The following NLGN3 variants were observed in gnomAD, a reference collection of about 807,000 sequenced individuals.
NLGN3 encodes neuroligin-3.
NLGN3 carries 11 observed loss-of-function variants against 42.9 expected under a neutral mutation model. The observed-to-expected ratio is 0.26, with a 90% CI of 0.16 to 0.42. NLGN3 has a LOEUF of 0.42. Among genes scored for constraint, NLGN3 ranks in the 10% least tolerant of loss-of-function variants. The pLI is 1.00. For missense variants in NLGN3, 374 were observed against 733.8 expected (o/e 0.51, Z 5.67); for synonymous variants, 279 against 312.7 (o/e 0.89, Z 1.14).
At chrX:71,172,450 G>A (rs150278065), downstream of NLGN3, among the ~76,000 whole-genome samples, 1,241 of 111,192 alleles carry the variant, frequency 0.011, 8 homozygotes, top group Non-Finnish European at 0.018. Flanking sequence ...AGCACTACAC[G>A]ACCCTTGCCA....
In NLGN3 at chrX:71,169,817, G is replaced by A; in HGVS notation, c.2267G>A (p.Gly756Glu). The change falls in exon 8 of 8, where the codon GGA becomes GAA. Residue 756 changes from glycine to glutamate, a missense_variant. By Grantham distance (98) the Gly-to-Glu change is moderately conservative. Coordinates refer to ENST00000358741, the MANE Select transcript of NLGN3 (RefSeq NM_181303.2). ...PQRGAGAPEL[G>E]AAPEEELAAL... ...CGGGGAGCCGGGGCCCCGGAGTTGG[G>A]AGCTGCTCCAGAGGAGGAGCTGGCA... 2 of 1,206,283 alleles carry A rather than the reference G, an allele frequency of 1.7e-6. No homozygotes were observed. Among genetic ancestry groups the A allele is most frequent in the Non-Finnish European group, 2.2e-6 (2 of 892,637 alleles).
At chrX:71,169,035 C>T (rs2092461289) in intron 7 of NLGN3, among the ~76,000 whole-genome samples, 1 of 110,544 alleles carries the variant, frequency 9.0e-6, no homozygotes, top group African/African-American at 3.3e-5. Context: ...GAAAAAGCAT[C>T]TATAGCCTTA....
Position 71,170,490 on chromosome X carries a change from A to C in NLGN3, c.*393A>C. ...TCTCTTGGAACTGCACCACCGACCA[A>C]CTCCAGACTTGGGAGCTTTAAAGAG... On this transcript the variant is annotated 3_prime_UTR_variant, in exon 8 of 8. Transcript: ENST00000358741. 4 of 853,898 alleles carry C rather than the reference A, an allele frequency of 4.7e-6. No homozygotes were observed. Among genetic ancestry groups the C allele is most frequent in the East Asian group, 8.7e-5 (1 of 11,472 alleles). 70.4% of individuals were successfully genotyped at this position (853,898 alleles called of 1,213,427 possible). A position where few individuals can be genotyped will look rare whatever the true frequency, so the allele number is the denominator to read the frequency against.
chrX:71,163,817 A>C (rs758114339), intron 5 of NLGN3, among the ~76,000 whole-genome samples: 1 of 111,896 alleles, frequency 8.9e-6, no homozygotes, highest in East Asian at 2.8e-4. Flanking sequence ...TAAGGTCCCC[A>C]ATAGTACATC....
downstream of NLGN3, among the ~76,000 whole-genome samples, chrX:71,174,173 G>C (rs1342122111): frequency 1.8e-5 from 2 of 112,068 alleles, no homozygotes; most frequent in Non-Finnish European, 3.8e-5. Context: ...ACGATTTTCA[G>C]ACTAGAAAGG....
At chrX:71,156,832 C>T (rs1208998322) in intron 5 of NLGN3, among the ~76,000 whole-genome samples, 1 of 111,751 alleles carries the variant, frequency 8.9e-6, no homozygotes, top group East Asian at 2.8e-4. Flanking sequence ...CATATGCACC[C>T]ATACACCTCC....
At chrX:71,146,149 T>TCACACACA (rs1483489070) in intron 1 of NLGN3, among the ~76,000 whole-genome samples, 1 of 35,821 alleles carries the variant, frequency 2.8e-5, no homozygotes, top group Admixed American at 3.8e-4. Flanking sequence ...TCTCTCTCTC[T>TCACACACA]CTCTCACACA....
Position 71,170,265 on chromosome X carries a change from G to A in NLGN3, c.*168G>A. The A allele has an allele frequency of 8.8e-7, 1 of 1,132,414 alleles. No individual in the cohort carries two copies. Among genetic ancestry groups the A allele is most frequent in the Non-Finnish European group, 1.2e-6 (1 of 859,699 alleles). The allele number at this position is 1,132,414 out of a possible 1,213,427, so 93.3% of individuals were successfully genotyped here. ...CACCTGCACAAACATAGACAGATGT[G>A]GACATGCACCCGCATGTACAAAAAC... On this transcript the variant is annotated 3_prime_UTR_variant, in exon 8 of 8. Coordinates refer to ENST00000358741, the MANE Select transcript of NLGN3 (RefSeq NM_181303.2).
Position 71,169,771 on chromosome X carries a change from C to G in NLGN3, c.2221C>G (p.Leu741Val), listed in dbSNP as rs757718469. ...TAAGGACAAACGGCGCCAGGAGCCC[C>G]TGCGGCAGCCTAGCCCTCAGCGGGG... The part of the protein sequence containing the change: ...YRKDKRRQEP[L>V]RQPSPQRGAG... The change falls in exon 8 of 8, where the codon CTG becomes GTG. Residue 741 changes from leucine to valine, a missense_variant. Leu to Val is a conservative substitution (Grantham distance 32). This residue lies in a region of NLGN3 where 92 missense variants were observed against 108.0 expected (regional missense o/e 0.85). Coordinates refer to ENST00000358741, the MANE Select transcript of NLGN3 (RefSeq NM_181303.2). 1 of 1,211,333 alleles carries G rather than the reference C, an allele frequency of 8.3e-7. No homozygotes were observed. Among genetic ancestry groups the G allele is most frequent in the East Asian group, 3.0e-5 (1 of 33,849 alleles).
Position 71,148,076 on chromosome X carries a change from C to T in NLGN3, c.327C>T (p.Asn109=), listed in dbSNP as rs751421871. The change falls in exon 2 of 8, where the codon AAC becomes AAT. Residue 109 remains asparagine, a synonymous_variant. Transcript: ENST00000358741. ...ATHFPPVCPQ[N]IHTAVPEVML... is the part of the protein sequence containing the mutation. ...ACTTTCCCCCAGTGTGCCCCCAGAA[C>T]ATCCACACAGCTGTGCCCGAAGTCA... 2 of 1,210,220 alleles carry T rather than the reference C, an allele frequency of 1.7e-6. No homozygotes were observed. Among genetic ancestry groups the T allele is most frequent in the South Asian group, 1.8e-5 (1 of 56,920 alleles).
At chrX:71,163,794 C>T (rs1443735242) in intron 5 of NLGN3, among the ~76,000 whole-genome samples, 1 of 111,768 alleles carries the variant, frequency 8.9e-6, no homozygotes, top group Non-Finnish European at 1.9e-5. Flanking sequence ...TTCTATCTTG[C>T]CAGATGTTAG....
downstream of NLGN3, among the ~76,000 whole-genome samples, chrX:71,174,845 C>T (rs1417823874): frequency 1.8e-5 from 2 of 112,078 alleles, no homozygotes; most frequent in African/African-American, 6.5e-5. Flanking sequence ...TGTGGCAGTA[C>T]AAATGTAAGA....
At chrX:71,162,021 G>A (rs1360656249) in intron 5 of NLGN3, among the ~76,000 whole-genome samples, 3 of 112,411 alleles carry the variant, frequency 2.7e-5, no homozygotes, top group African/African-American at 9.7e-5. Flanking sequence ...GAGAGAGGAG[G>A]GAGGACTAAA....
chrX:71,168,814 GAAAAA>G (rs200152352), intron 7 of NLGN3, among the ~76,000 whole-genome samples: 17 of 40,477 alleles, frequency 4.2e-4, no homozygotes, highest in South Asian at 1.7e-3. Context: ...GAAAGAAAGA[GAAAAA>G]AAAAAGAAAG....
chrX:71,173,896 T>C (rs1387264308), downstream of NLGN3, among the ~76,000 whole-genome samples: 1 of 101,874 alleles, frequency 9.8e-6, no homozygotes, highest in African/African-American at 3.6e-5. Context: ...TTGGGGTGGG[T>C]GGGTAGAGTA....
intron 5 of NLGN3, among the ~76,000 whole-genome samples, chrX:71,155,571 A>C (rs1441903934): frequency 8.9e-6 from 1 of 112,004 alleles, no homozygotes; most frequent in Non-Finnish European, 1.9e-5. Context: ...AGATGCCACC[A>C]GAAATTCAAT....
chrX:71,164,981 G>A (rs1455154003), intron 6 of NLGN3, among the ~76,000 whole-genome samples: 3 of 111,401 alleles, frequency 2.7e-5, no homozygotes, highest in Non-Finnish European at 5.7e-5. Context: ...TGCTCGGCAG[G>A]AAATGTTTTC....
intron 5 of NLGN3, among the ~76,000 whole-genome samples, chrX:71,158,835 A>G (rs2092419051): frequency 9.0e-6 from 1 of 111,674 alleles, no homozygotes; most frequent in Admixed American, 9.5e-5. Flanking sequence ...GCTGGTGAGC[A>G]TTCCGTATGA....
At chrX:71,158,457 G>A (rs932607410) in intron 5 of NLGN3, among the ~76,000 whole-genome samples, 14 of 112,185 alleles carry the variant, frequency 1.2e-4, no homozygotes, top group African/African-American at 3.9e-4. Context: ...ACATGTACAC[G>A]GTAGTTCAAA....
Sources: gnomAD v4.1 joint callset for allele counts (sites outside exome capture counted in the v4.1 genomes callset) on GRCh38, gnomAD v4.1.1 for gene constraint, gnomAD v4.1.1 regional missense constraint, MANE v1.5 for transcripts, NCBI Gene and HGNC (gene_info 2026-07-23, HGNC 2026-07-21) for gene names.